ACCSL: variants seen among roughly 807,000 people sequenced by gnomAD.
ACCSL encodes the protein probable inactive 1-aminocyclopropane-1-carboxylate synthase-like protein 2.
A neutral mutation model predicts 61.7 loss-of-function variants in ACCSL; 55 were observed. The ratio of observed to expected loss-of-function variants is 0.89; its 90% CI spans 0.72 to 1.12. ACCSL has a LOEUF of 1.12. Ranked by LOEUF, ACCSL falls within the 50% of genes most tolerant of loss-of-function variation. The pLI is 0.00. For missense variants in ACCSL, 632 were observed against 698.0 expected, an observed-to-expected ratio of 0.91 and a Z score of 1.07; for synonymous variants, 258 against 264.3, an observed-to-expected ratio of 0.98 and a Z score of 0.23.
chr11:43,933,613 C>T, the ACCSL span, among the ~76,000 whole-genome samples: 1 of 152,250 alleles, frequency 6.6e-6, no homozygotes, highest in African/African-American at 2.4e-5. Context: ...GAGGAACACT[C>T]AGGCCTGCAA....
chr11:44,056,162 T>G, intron 10 of ACCSL, 23 bp from the exon 11 acceptor site: 7 of 1,614,208 alleles, frequency 4.3e-6, no homozygotes, highest in African/African-American at 1.3e-5. Context: ...CACTTGTTCC[T>G]GTTCCTGCTT....
At chr11:43,972,270 G>A in the ACCSL span, among the ~76,000 whole-genome samples, 1 of 152,300 alleles carries the variant, frequency 6.6e-6, no homozygotes, top group Non-Finnish European at 1.5e-5. Flanking sequence ...AAGTGGCAGA[G>A]CTAGAACCTA....
intron 11 of ACCSL, among the ~76,000 whole-genome samples, chr11:44,057,215 G>C (rs1022309050): frequency 1.3e-5 from 2 of 152,186 alleles, no homozygotes; most frequent in African/African-American, 4.8e-5. Flanking sequence ...CATGGCCCAA[G>C]CTTAGAGACT....
the ACCSL span, among the ~76,000 whole-genome samples, chr11:43,929,797 A>G: frequency 6.6e-6 from 1 of 152,076 alleles, no homozygotes; most frequent in Non-Finnish European, 1.5e-5. Flanking sequence ...CTCCCTCCTC[A>G]GGCCTCCCAG....
At chr11:43,956,930 G>A in the ACCSL span, among the ~76,000 whole-genome samples, 1 of 152,152 alleles carries the variant, frequency 6.6e-6, no homozygotes. Context: ...GCACAGCAGT[G>A]AGGTGAATGG....
the ACCSL span, among the ~76,000 whole-genome samples, chr11:43,968,771 G>C: frequency 1.3e-5 from 2 of 152,144 alleles, no homozygotes; most frequent in Admixed American, 1.3e-4. Context: ...TTCACAACTA[G>C]TTTTTCCCTA....
At position 44,053,448 on chromosome 11, in the gene ACCSL, C is replaced by A. The variant is rs1430583081; in HGVS notation, c.991C>A (p.Pro331Thr). 6.2e-7 allele frequency: 1 copy of A among 1,614,146 alleles called. No individual in the cohort carries two copies. Among genetic ancestry groups the A allele is most frequent in the Admixed American group, 1.7e-5 (1 of 60,012 alleles). Residue 331 changes from proline (P) to threonine (T), a missense_variant, in exon 8 of 14, where the codon CCT becomes ACT. Pro to Thr is a conservative substitution (Grantham distance 38). Coordinates refer to ENST00000378832, the MANE Select transcript of ACCSL (RefSeq NM_001031854.2). ...CCTTGTGCTAATCAACCCTCAGAAT[C>A]CTCTGGGTGACATCTACTCCCCAGA... ...RGLVLINPQN[P>T]LGDIYSPDSL... is the part of the protein sequence containing the mutation.
chr11:43,960,226 G>GT, the ACCSL span, among the ~76,000 whole-genome samples: 1 of 152,150 alleles, frequency 6.6e-6, no homozygotes, highest in Admixed American at 6.5e-5. Flanking sequence ...TTATCAATTA[G>GT]CTGTCTTTAG....
At chr11:43,946,195 T>C in the ACCSL span, among the ~76,000 whole-genome samples, 44 of 152,186 alleles carry the variant, frequency 2.9e-4, no homozygotes, top group Non-Finnish European at 6.2e-4. Context: ...CAAGCGATTC[T>C]CCTGCCTCAG....
the ACCSL span, among the ~76,000 whole-genome samples, chr11:43,956,340 C>T: frequency 1.3e-5 from 2 of 152,148 alleles, no homozygotes; most frequent in Non-Finnish European, 2.9e-5. Context: ...TGTAAGGAGG[C>T]TGCTTTAGGC....
chr11:43,976,230 A>G, the ACCSL span, among the ~76,000 whole-genome samples: 1 of 152,136 alleles, frequency 6.6e-6, no homozygotes, highest in Non-Finnish European at 1.5e-5. Context: ...GGGAGGAAGT[A>G]AGTTTATCTT....
At position 44,059,868 on chromosome 11, in the gene ACCSL, A is replaced by G; in HGVS notation, c.1655A>G (p.Glu552Gly). Residue 552 changes from glutamate (E) to glycine (G), a missense_variant, in exon 14 of 14, where the codon GAG (glutamate) becomes GGG (glycine). Transcript: ENST00000378832. ...AMRRFCDVLQ[E>G]QKEALIVKQL... Reference sequence around the variant, plus strand: ...CGTCGGTTCTGTGATGTGCTGCAGGAGCAGAAGGAGGCTTTGATAGTGAAG... The same window carrying G: ...CGTCGGTTCTGTGATGTGCTGCAGGGGCAGAAGGAGGCTTTGATAGTGAAG... 1 of 1,613,886 alleles carries G rather than the reference A, an allele frequency of 6.2e-7. No homozygotes were observed. Among genetic ancestry groups the G allele is most frequent in the East Asian group, 2.2e-5 (1 of 44,864 alleles).
At chr11:44,059,753 G>A (rs919666577) in intron 13 of ACCSL, 85 bp from the exon 14 acceptor site, 1 of 1,132,260 alleles carries the variant, frequency 8.8e-7, no homozygotes, top group Non-Finnish European at 1.3e-6. Context: ...GGCTTTTATG[G>A]TTGACCATGA....
chr11:43,985,895 G>C, the ACCSL span, among the ~76,000 whole-genome samples: 1 of 152,010 alleles, frequency 6.6e-6, no homozygotes. Context: ...AATTAGCTGG[G>C]CATGGTGGGG....
the ACCSL span, among the ~76,000 whole-genome samples, chr11:43,989,315 A>T: frequency 1.3e-5 from 2 of 152,174 alleles, no homozygotes; most frequent in African/African-American, 4.8e-5. Context: ...GGAACAGGGG[A>T]AGGTCTGGGT....
At chr11:43,934,314 C>T in the ACCSL span, among the ~76,000 whole-genome samples, 8,972 of 151,898 alleles carry the variant, frequency 0.059, 742 homozygotes, top group African/African-American at 0.17. Context: ...GTGTGGAGGG[C>T]CCCCTGGGGG....
intron 9 of ACCSL, 95 bp from the exon 10 acceptor site, chr11:44,055,945 A>G: frequency 6.8e-7 from 1 of 1,464,310 alleles, no homozygotes; most frequent in Non-Finnish European, 9.4e-7. Flanking sequence ...CCTTCTGTCT[A>G]GGACCAACCT....
the ACCSL span, among the ~76,000 whole-genome samples, chr11:43,955,412 T>C: frequency 6.6e-6 from 1 of 152,218 alleles, no homozygotes; most frequent in African/African-American, 2.4e-5. Context: ...CAGTGGGATC[T>C]TCCTGACCAC....
At chr11:43,972,523 A>C in the ACCSL span, among the ~76,000 whole-genome samples, 1 of 152,190 alleles carries the variant, frequency 6.6e-6, no homozygotes, top group Non-Finnish European at 1.5e-5. Flanking sequence ...CTCATCTAAA[A>C]ATGACAGCTA....
Sources: gnomAD v4.1 joint callset for allele counts (sites outside exome capture counted in the v4.1 genomes callset) on GRCh38, gnomAD v4.1.1 for gene constraint, MANE v1.5 for transcripts, NCBI Gene and HGNC (gene_info 2026-07-23, HGNC 2026-07-21) for gene names.